Variants in RUNX1T1 observed in about 807,000 individuals in gnomAD.
RUNX1T1 encodes the protein protein CBFA2T1.
In RUNX1T1, 4 loss-of-function variants were observed where a neutral mutation model predicts 62.8. The observed-to-expected ratio is 0.06, with a 90% confidence interval of 0.03 to 0.15. The LOEUF is 0.15. Ranked by LOEUF, RUNX1T1 falls within the 10% of genes least tolerant of loss-of-function variation. The pLI is 1.00. For synonymous variants in RUNX1T1, 291 were observed against 286.0 expected (o/e 1.02, Z -0.18); for missense variants, 508 against 754.3 (o/e 0.67, Z 3.82).
At chr8:92,021,163 TAA>T (rs1824011405) in intron 1 of RUNX1T1, among the ~76,000 whole-genome samples, 1 of 152,172 alleles carries the variant, frequency 6.6e-6, no homozygotes, top group Admixed American at 6.5e-5. Context: ...AAGTGTTGGC[TAA>T]GCTAGAAGGT....
intron 5 of RUNX1T1, among the ~76,000 whole-genome samples, chr8:92,003,965 T>C (rs1259054095): frequency 6.6e-6 from 1 of 152,226 alleles, no homozygotes. Flanking sequence ...AGGTTCTATG[T>C]CAAGGGGAAC....
intron 1 of RUNX1T1, among the ~76,000 whole-genome samples, chr8:92,089,777 T>G (rs1836688613): frequency 6.6e-6 from 1 of 151,958 alleles, no homozygotes; most frequent in South Asian, 2.1e-4. Context: ...TCATCTAAGA[T>G]TTAGGATAGC....
chr8:92,019,624 A>G (rs926135954), intron 1 of RUNX1T1, among the ~76,000 whole-genome samples: 1 of 152,168 alleles, frequency 6.6e-6, no homozygotes, highest in Non-Finnish European at 1.5e-5. Flanking sequence ...TTAAGGAGCA[A>G]TATCTAAACT....
chr8:92,021,143 A>G (rs908225849), intron 1 of RUNX1T1, among the ~76,000 whole-genome samples: 1 of 152,186 alleles, frequency 6.6e-6, no homozygotes, highest in Non-Finnish European at 1.5e-5. Flanking sequence ...TGAGTTAGTC[A>G]TATTTGAATA....
exon 10 of RUNX1T1, chr8:91,970,723 C>T (rs1185485479): frequency 6.2e-7 from 1 of 1,613,732 alleles, no homozygotes; most frequent in Non-Finnish European, 8.5e-7. Context: ...CGTTTGGCCT[C>T]GGCGACCGTG....
upstream of RUNX1T1, chr8:92,102,787 G>C: frequency 7.1e-7 from 1 of 1,418,310 alleles, no homozygotes; most frequent in Non-Finnish European, 9.3e-7. This position sits in a 1 kb window ranked among gnomAD's most constrained non-coding sequence, Gnocchi z 4.5. Context: ...CATCGGAACA[G>C]TAATTAATAA....
At chr8:92,089,868 G>A (rs996293867) in intron 1 of RUNX1T1, among the ~76,000 whole-genome samples, 7 of 137,560 alleles carry the variant, frequency 5.1e-5, no homozygotes, top group Non-Finnish European at 1.1e-4. Flanking sequence ...ATTCCACACT[G>A]ATCCCTTTCC....
chr8:91,961,910 C>T (rs1051261926), intron 10 of RUNX1T1, among the ~76,000 whole-genome samples: 4 of 152,224 alleles, frequency 2.6e-5, no homozygotes, highest in African/African-American at 9.6e-5. Context: ...ATTTTTAAAG[C>T]CCTGACATAG....
intron 4 of RUNX1T1, 74 bp downstream of exon 5, chr8:92,010,928 T>C: frequency 1.2e-6 from 1 of 807,060 alleles, no homozygotes. Context: ...CTAAATGTAC[T>C]AAAAAAGCAC....
At chr8:92,051,486 T>C (rs983310313) in intron 1 of RUNX1T1, among the ~76,000 whole-genome samples, 2 of 151,914 alleles carry the variant, frequency 1.3e-5, no homozygotes, top group East Asian at 1.9e-4. Flanking sequence ...CTTAATTTCA[T>C]CACAAAAAAG....
At chr8:92,062,764 A>C in exon 1 of RUNX1T1, 8 of 1,528,120 alleles carry the variant, frequency 5.2e-6, no homozygotes, top group Non-Finnish European at 7.0e-6. Flanking sequence ...TTGGAGCAGA[A>C]ATGTGGAGGA....
chr8:92,060,857 T>G (rs887531920), intron 1 of RUNX1T1, among the ~76,000 whole-genome samples: 2 of 152,064 alleles, frequency 1.3e-5, no homozygotes, highest in African/African-American at 4.8e-5. Context: ...TTCTGGCACA[T>G]GCTCATAGTC....
At chr8:92,060,547 A>ATGTGTG (rs1394920440) in intron 1 of RUNX1T1, among the ~76,000 whole-genome samples, 19 of 102,792 alleles carry the variant, frequency 1.8e-4, no homozygotes, top group African/African-American at 6.5e-4. Context: ...ATATATATAT[A>ATGTGTG]TATATATGTG....
intron 10 of RUNX1T1, among the ~76,000 whole-genome samples, chr8:91,965,022 T>A (rs73696982): frequency 6.6e-6 from 1 of 152,198 alleles, no homozygotes; most frequent in African/African-American, 2.4e-5. Context: ...ATGATGTTCA[T>A]AGGTCCTGAA....
chr8:92,083,534 C>G (rs569108766), intron 1 of RUNX1T1, among the ~76,000 whole-genome samples: 1 of 152,136 alleles, frequency 6.6e-6, no homozygotes, highest in African/African-American at 2.4e-5. Context: ...AAATGCAAAT[C>G]AAAACCACAA....
intron 10 of RUNX1T1, among the ~76,000 whole-genome samples, chr8:91,965,512 G>A (rs568092334): frequency 4.9e-4 from 75 of 152,206 alleles, no homozygotes; most frequent in African/African-American, 1.7e-3. Flanking sequence ...ATGATCAGCT[G>A]TAAGCAAATT....
At chr8:91,958,350 C>G (rs1809676480), downstream of RUNX1T1, 1 of 195,766 alleles carries the variant, frequency 5.1e-6, no homozygotes, top group Non-Finnish European at 1.1e-5. Context: ...CATGTTTAAC[C>G]TGCTGATCAT....
chr8:92,079,452 T>C (rs960157039), intron 1 of RUNX1T1, among the ~76,000 whole-genome samples: 3 of 152,164 alleles, frequency 2.0e-5, no homozygotes, highest in African/African-American at 7.2e-5. Context: ...CCCTCTAATT[T>C]GAAGGAGTAG....
chr8:92,031,574 C>A (rs971919681), intron 1 of RUNX1T1, among the ~76,000 whole-genome samples: 2 of 152,062 alleles, frequency 1.3e-5, no homozygotes, highest in Admixed American at 6.6e-5. Context: ...TGGGCTCTAG[C>A]GATCCTCCTT....
Sources: allele counts gnomAD v4.1 joint callset (sites outside exome capture counted in the v4.1 genomes callset), GRCh38; gene constraint gnomAD v4.1.1; non-coding constraint Gnocchi (gnomAD v3.1); transcripts MANE v1.5; gene names NCBI Gene and HGNC (gene_info 2026-07-23, HGNC 2026-07-21).